GALNT13: variants seen among roughly 807,000 people sequenced by gnomAD.
GALNT13 encodes polypeptide N-acetylgalactosaminyltransferase 13, also known as UDP-GalNAc:polypeptide N-acetylgalactosaminyltransferase 13.
A neutral mutation model predicts 64.2 loss-of-function variants in GALNT13; 28 were observed. The observed-to-expected ratio is 0.44, with a 90% CI of 0.32 to 0.60. The LOEUF is 0.60. GALNT13 is among the 20% of genes least tolerant of loss of function. GALNT13 has a pLI of 0.05. For synonymous variants in GALNT13, 214 were observed against 224.6 expected (o/e 0.95, Z 0.42); for missense variants, 577 against 669.8 (o/e 0.86, Z 1.53).
At chr2:153,648,420 A>G in the GALNT13 span, among the ~76,000 whole-genome samples, 1,159 of 152,296 alleles carry the variant, frequency 7.6e-3, 18 homozygotes, top group African/African-American at 0.026. Context: ...AACAGGGACA[A>G]TTTGACTTCC....
chr2:154,173,906 T>C (rs1685502446), intron 4 of GALNT13, among the ~76,000 whole-genome samples: 1 of 152,074 alleles, frequency 6.6e-6, no homozygotes, highest in South Asian at 2.1e-4. Context: ...CTGGCACAGA[T>C]GTGGAGAAAG....
At chr2:154,193,313 T>A (rs554699123) in intron 4 of GALNT13, among the ~76,000 whole-genome samples, 6 of 152,348 alleles carry the variant, frequency 3.9e-5, no homozygotes, top group Non-Finnish European at 7.4e-5. Context: ...TCTAGCTGCT[T>A]AGTTTTTTAT....
the GALNT13 span, among the ~76,000 whole-genome samples, chr2:153,217,064 C>CT: frequency 6.6e-6 from 1 of 151,948 alleles, no homozygotes; most frequent in African/African-American, 2.4e-5. Flanking sequence ...GTTGAAGAGA[C>CT]TATCTTTTTC....
intron 9 of GALNT13, 133 bp downstream of exon 9, chr2:154,301,722 A>G (rs1446193194): frequency 1.7e-6 from 1 of 597,532 alleles, no homozygotes; most frequent in Non-Finnish European, 2.8e-6. Flanking sequence ...AGAAAACGGC[A>G]TATGAGAAAG....
At chr2:154,433,036 C>T (rs372931010) in intron 11 of GALNT13, among the ~76,000 whole-genome samples, 19 of 152,282 alleles carry the variant, frequency 1.2e-4, no homozygotes, top group African/African-American at 4.1e-4. Flanking sequence ...GCAACCCATG[C>T]AATCACACAG....
the GALNT13 span, among the ~76,000 whole-genome samples, chr2:153,203,827 A>T: frequency 3.2e-3 from 483 of 152,204 alleles, 5 homozygotes; most frequent in African/African-American, 0.011. Flanking sequence ...TTCTCACAAA[A>T]TATTTATATA....
At chr2:153,445,717 T>A in the GALNT13 span, among the ~76,000 whole-genome samples, 1 of 152,108 alleles carries the variant, frequency 6.6e-6, no homozygotes. Flanking sequence ...TTAAAAATAA[T>A]CTCTGTTTTC....
the GALNT13 span, among the ~76,000 whole-genome samples, chr2:153,435,108 T>A: frequency 6.6e-6 from 1 of 152,224 alleles, no homozygotes. Context: ...ATTTCTTGTT[T>A]TTGTCAGGTT....
the GALNT13 span, among the ~76,000 whole-genome samples, chr2:153,124,353 C>G: frequency 6.6e-6 from 1 of 152,150 alleles, no homozygotes; most frequent in Non-Finnish European, 1.5e-5. Context: ...TTGTTTTAAG[C>G]CACTAAGTTT....
rs1385071488 is a variant in GALNT13 at position 154,450,701 on chromosome 2, G to C, written c.*150G>C. The C allele has an allele frequency of 2.8e-6, 2 of 712,334 alleles. No homozygotes were observed. The highest frequency in any genetic ancestry group is 7.2e-5 in the Admixed American group (2 of 27,886). The allele number at this position is 712,334 out of a possible 1,614,324, so 44.1% of individuals were successfully genotyped here. On this transcript the variant is annotated 3_prime_UTR_variant, in exon 13 of 13. Coordinates refer to ENST00000392825, the MANE Select transcript of GALNT13 (RefSeq NM_052917.4). ...TTGTTTCTAATTCGTTTCTAGAAAT[G>C]TTTGCTTATTTCCCTACTAAAATTT... is the stretch of plus-strand genomic sequence containing the variant.
the GALNT13 span, among the ~76,000 whole-genome samples, chr2:153,647,366 C>G: frequency 9.2e-5 from 14 of 152,104 alleles, no homozygotes; most frequent in South Asian, 2.9e-3. Context: ...TGGATATTAG[C>G]CCTTTGTCAG....
the GALNT13 span, among the ~76,000 whole-genome samples, chr2:153,740,576 T>G: frequency 6.6e-6 from 1 of 152,122 alleles, no homozygotes; most frequent in Non-Finnish European, 1.5e-5. Context: ...TATTAAATTT[T>G]TCTGTACCAT....
intron 9 of GALNT13, among the ~76,000 whole-genome samples, chr2:154,348,664 G>A (rs1001312512): frequency 3.3e-5 from 5 of 151,940 alleles, no homozygotes; most frequent in Admixed American, 1.3e-4. Context: ...CTTCCCAAAG[G>A]TGCATCCCAG....
intron 4 of GALNT13, among the ~76,000 whole-genome samples, chr2:154,155,099 G>A (rs545816821): frequency 4.6e-5 from 7 of 152,108 alleles, no homozygotes; most frequent in African/African-American, 1.4e-4. Context: ...TCAGAGGCAA[G>A]ATTTTTTACC....
At chr2:154,019,816 G>C (rs1697312198) in intron 3 of GALNT13, among the ~76,000 whole-genome samples, 1 of 151,470 alleles carries the variant, frequency 6.6e-6, no homozygotes, top group Non-Finnish European at 1.5e-5. Context: ...TCGTTATCTA[G>C]CATTAGGTAT....
At chr2:154,035,069 C>T (rs1362852476) in intron 3 of GALNT13, among the ~76,000 whole-genome samples, 1 of 152,066 alleles carries the variant, frequency 6.6e-6, no homozygotes, top group East Asian at 1.9e-4. Flanking sequence ...GGTATATTCA[C>T]TTGTATATTT....
chr2:153,506,075 C>T, the GALNT13 span, among the ~76,000 whole-genome samples: 1 of 152,128 alleles, frequency 6.6e-6, no homozygotes, highest in Non-Finnish European at 1.5e-5. Flanking sequence ...TTCCTGTAGA[C>T]TAGAACTTTT....
chr2:154,314,433 T>C (rs1392815183), intron 9 of GALNT13, among the ~76,000 whole-genome samples: 1 of 152,202 alleles, frequency 6.6e-6, no homozygotes, highest in Non-Finnish European at 1.5e-5. Flanking sequence ...TTTGGATTTA[T>C]ACTCATTGTC....
At chr2:153,356,244 A>G in the GALNT13 span, among the ~76,000 whole-genome samples, 2 of 152,234 alleles carry the variant, frequency 1.3e-5, no homozygotes, top group Non-Finnish European at 2.9e-5. Context: ...ATGACCATGG[A>G]TAATAAAAAA....
Sources: allele counts gnomAD v4.1 joint callset (sites outside exome capture counted in the v4.1 genomes callset), GRCh38; gene constraint gnomAD v4.1.1; transcripts MANE v1.5; gene names NCBI Gene and HGNC (gene_info 2026-07-23, HGNC 2026-07-21).